AK5: variants seen among roughly 807,000 people sequenced by gnomAD.
AK5 encodes the protein adenylate kinase 5, also known as adenylate kinase isoenzyme 5.
AK5 carries 27 observed loss-of-function variants against 69.5 expected under a neutral mutation model. That is an observed-to-expected ratio of 0.39 (90% CI 0.29 to 0.54). AK5 has a LOEUF of 0.54. AK5 is among the 20% of genes least tolerant of loss of function. The pLI is 0.71. For missense variants in AK5, 531 were observed against 700.4 expected (o/e 0.76, Z 2.73); for synonymous variants, 260 against 244.4 (o/e 1.06, Z -0.60).
At chr1:77,552,637 A>G (rs1187187078) in intron 13 of AK5, among the ~76,000 whole-genome samples, 8 of 152,224 alleles carry the variant, frequency 5.3e-5, no homozygotes, top group Non-Finnish European at 8.8e-5. Context: ...TCAGAGTCTA[A>G]AAGAAATCCT....
intron 8 of AK5, among the ~76,000 whole-genome samples, chr1:77,449,335 T>C (rs1476415363): frequency 6.6e-6 from 1 of 152,200 alleles, no homozygotes; most frequent in Non-Finnish European, 1.5e-5. Flanking sequence ...AGGAGATCAT[T>C]CTGGAGCTTT....
At chr1:77,357,488 C>A (rs1662597133) in intron 6 of AK5, among the ~76,000 whole-genome samples, 1 of 151,486 alleles carries the variant, frequency 6.6e-6, no homozygotes, top group Admixed American at 6.6e-5. Context: ...CATAAATGAT[C>A]TAATCAAAAT....
At chr1:77,501,256 G>A (rs903485945) in intron 10 of AK5, among the ~76,000 whole-genome samples, 6 of 152,228 alleles carry the variant, frequency 3.9e-5, no homozygotes, top group African/African-American at 1.4e-4. Flanking sequence ...TGAATGTGAT[G>A]TTGACTGAAG....
chr1:77,548,927 A>T (rs1275015681), intron 13 of AK5, among the ~76,000 whole-genome samples: 7 of 84,464 alleles, frequency 8.3e-5, no homozygotes, highest in East Asian at 3.5e-4. Context: ...TTTGAGACTG[A>T]GTTTCATTCT....
At chr1:77,321,622 C>T (rs551931243) in intron 5 of AK5, among the ~76,000 whole-genome samples, 1 of 152,282 alleles carries the variant, frequency 6.6e-6, no homozygotes, top group Non-Finnish European at 1.5e-5. Flanking sequence ...TAGGGAGCAT[C>T]TACAAAAACC....
At chr1:77,539,866 T>G (rs1659176411) in intron 13 of AK5, among the ~76,000 whole-genome samples, 4 of 152,216 alleles carry the variant, frequency 2.6e-5, no homozygotes, top group Admixed American at 2.6e-4. Flanking sequence ...CAAGAGGACC[T>G]CTGGGTCACT....
chr1:77,489,807 C>G (rs918973912), intron 10 of AK5, among the ~76,000 whole-genome samples: 18 of 152,190 alleles, frequency 1.2e-4, no homozygotes, highest in Non-Finnish European at 2.1e-4. Context: ...CTTAGACTGG[C>G]CTTCTGGTCT....
chr1:77,424,171 G>GAAAAAA (rs1651034699), intron 8 of AK5, among the ~76,000 whole-genome samples: 1 of 152,168 alleles, frequency 6.6e-6, no homozygotes, highest in Non-Finnish European at 1.5e-5. Flanking sequence ...AAATTACAAG[G>GAAAAAA]TATGTCAAAA....
chr1:77,552,363 T>C (rs1659863288), intron 13 of AK5, among the ~76,000 whole-genome samples: 1 of 152,180 alleles, frequency 6.6e-6, no homozygotes. Context: ...TGGTCCCCAA[T>C]AAAGCCTCCC....
At chr1:77,533,072 T>C (rs2100349710) in intron 12 of AK5, among the ~76,000 whole-genome samples, 1 of 152,308 alleles carries the variant, frequency 6.6e-6, no homozygotes, top group African/African-American at 2.4e-5. Context: ...ATAGAATAAC[T>C]GATCGATAGC....
At chr1:77,500,576 C>A (rs888299619) in intron 10 of AK5, among the ~76,000 whole-genome samples, 1 of 152,040 alleles carries the variant, frequency 6.6e-6, no homozygotes, top group African/African-American at 2.4e-5. Flanking sequence ...GTCAGGAGTT[C>A]GAGATCAGCC....
chr1:77,351,601 C>A (rs1362803650), intron 6 of AK5, among the ~76,000 whole-genome samples: 1 of 152,034 alleles, frequency 6.6e-6, no homozygotes, highest in African/African-American at 2.4e-5. Context: ...ACCTTCCACA[C>A]AGAAAAAAGG....
At chr1:77,542,223 T>C (rs1398601010) in intron 13 of AK5, among the ~76,000 whole-genome samples, 2 of 152,100 alleles carry the variant, frequency 1.3e-5, no homozygotes, top group Admixed American at 1.3e-4. Context: ...CTGAGGAGGC[T>C]GAGGCACGAG....
chr1:77,298,620 A>G (rs1570334375), intron 5 of AK5, among the ~76,000 whole-genome samples: 1 of 149,114 alleles, frequency 6.7e-6, no homozygotes, highest in South Asian at 2.2e-4. Flanking sequence ...CCTGGGCAAT[A>G]TGACGAAACC....
At chr1:77,391,495 G>GTGCATATATATATA (rs1425180466) in intron 6 of AK5, among the ~76,000 whole-genome samples, 1 of 63,452 alleles carries the variant, frequency 1.6e-5, no homozygotes, top group Admixed American at 1.8e-4. Context: ...GTGTGTGTGT[G>GTGCATATATATATA]TATATATATA....
intron 13 of AK5, among the ~76,000 whole-genome samples, chr1:77,554,296 C>T (rs528816471): frequency 5.9e-5 from 9 of 152,316 alleles, no homozygotes; most frequent in Middle Eastern, 6.8e-3. Flanking sequence ...TCTTCTAGGC[C>T]GAGCTTAACT....
chr1:77,556,927 C>T (rs1017002757), intron 13 of AK5, among the ~76,000 whole-genome samples: 3 of 152,086 alleles, frequency 2.0e-5, no homozygotes, highest in Non-Finnish European at 4.4e-5. Flanking sequence ...TTTTAGCAAG[C>T]TTACCACCGC....
chr1:77,282,795 C>T (rs1363630050), intron 1 of AK5: 8 of 994,930 alleles, frequency 8.0e-6, no homozygotes, highest in Non-Finnish European at 1.2e-6. Context: ...CTCTGCTGGT[C>T]GAGGGTCGGA....
chr1:77,287,973 AATAT>A (rs66969882), intron 2 of AK5, among the ~76,000 whole-genome samples: 22,237 of 152,124 alleles, frequency 0.15, 2,029 homozygotes, highest in Non-Finnish European at 0.2. Context: ...CAAGGACTCA[AATAT>A]AGAGGTACAG....
Sources: gnomAD v4.1 joint callset for allele counts (sites outside exome capture counted in the v4.1 genomes callset) on GRCh38, gnomAD v4.1.1 for gene constraint, MANE v1.5 for transcripts, NCBI Gene and HGNC (gene_info 2026-07-23, HGNC 2026-07-21) for gene names.